The following PRCC variants were observed in gnomAD, a reference collection of about 807,000 sequenced individuals.
PRCC encodes the protein proline-rich protein PRCC.
A neutral mutation model predicts 44.0 loss-of-function variants in PRCC; 10 were observed. The observed-to-expected ratio is 0.23, with a 90% CI of 0.14 to 0.39. The LOEUF (loss-of-function observed/expected upper bound fraction) is 0.39. PRCC is among the 10% of genes least tolerant of loss of function. PRCC has a pLI of 1.00. For synonymous variants in PRCC, 278 were observed against 259.5 expected (o/e 1.07, Z -0.69); for missense variants, 573 against 624.7 (o/e 0.92, Z 0.88).
chr1:156,773,201 C>G (rs1651696486), intron 1 of PRCC, among the ~76,000 whole-genome samples: 1 of 152,118 alleles, frequency 6.6e-6, no homozygotes, highest in East Asian at 1.9e-4. Context: ...TTCTTATTTC[C>G]TCCTTGGCTT....
At chr1:156,798,957 A>C (rs1247422435) in intron 6 of PRCC, among the ~76,000 whole-genome samples, 1 of 152,186 alleles carries the variant, frequency 6.6e-6, no homozygotes, top group Non-Finnish European at 1.5e-5. Context: ...CTCCCGTGGA[A>C]ATGATTAGCA....
rs1423763386 is a variant in PRCC, at chr1:156,768,158, C to T, written c.387C>T (p.Ala129=). 13 of 1,555,870 alleles carry T rather than the reference C, an allele frequency of 8.4e-6. No individual in the cohort carries two copies. Among genetic ancestry groups the T allele is most frequent in the Middle Eastern group, 1.7e-4 (1 of 6,002 alleles). The change falls in exon 1 of 7, where the codon GCC becomes GCT. Residue 129 remains alanine, a synonymous_variant. Coordinates refer to ENST00000271526, the MANE Select transcript of PRCC (RefSeq NM_005973.5). The part of the protein sequence containing the change: ...GLNLPPPIGG[A]GPPLGLPKPK... ...ATCTGCCCCCTCCAATTGGCGGTGC[C>T]GGTCCCCCGCTGGGGCTTCCCAAGC...
chr1:156,769,344 CTT>C, intron 1 of PRCC, among the ~76,000 whole-genome samples: 1 of 152,262 alleles, frequency 6.6e-6, no homozygotes, highest in South Asian at 2.1e-4. Context: ...CCCCATTGCT[CTT>C]TGTTTTATTT....
At chr1:156,777,642 T>C (rs2102757271) in intron 1 of PRCC, among the ~76,000 whole-genome samples, 1 of 152,274 alleles carries the variant, frequency 6.6e-6, no homozygotes, top group South Asian at 2.1e-4. Flanking sequence ...GGCAAGAATA[T>C]ATGTGAAAAA....
intron 6 of PRCC, among the ~76,000 whole-genome samples, chr1:156,797,881 T>C (rs1652712269): frequency 6.6e-6 from 1 of 152,202 alleles, no homozygotes; most frequent in Admixed American, 6.5e-5. Context: ...AGTTGACCCT[T>C]GACCAACACA....
At chr1:156,775,769 A>G (rs1225453350) in intron 1 of PRCC, among the ~76,000 whole-genome samples, 10 of 151,582 alleles carry the variant, frequency 6.6e-5, no homozygotes, top group Non-Finnish European at 1.3e-4. Context: ...TCGGCCTCCC[A>G]AAGTGCTGGG....
At chr1:156,792,177 A>T (rs1652509188) in intron 4 of PRCC, among the ~76,000 whole-genome samples, 1 of 147,662 alleles carries the variant, frequency 6.8e-6, no homozygotes, top group Non-Finnish European at 1.5e-5. Flanking sequence ...GTGGGATTAC[A>T]GGTATGATTT....
chr1:156,780,392 A>C (rs11585470), intron 1 of PRCC, among the ~76,000 whole-genome samples: 3 of 150,702 alleles, frequency 2.0e-5, no homozygotes, highest in Non-Finnish European at 4.4e-5. Context: ...AATTTTTTTT[A>C]AATTTATTTT....
chr1:156,777,594 A>G (rs370712406), intron 1 of PRCC, among the ~76,000 whole-genome samples: 5 of 152,306 alleles, frequency 3.3e-5, no homozygotes, highest in African/African-American at 9.6e-5. Flanking sequence ...GGGAGGAAGT[A>G]TTCAACTATA....
chr1:156,787,217 A>C, intron 3 of PRCC, 43 bp downstream of exon 3: 1 of 1,547,986 alleles, frequency 6.5e-7, no homozygotes, highest in Admixed American at 1.9e-5. Context: ...ATGTTGGAAC[A>C]TGGTGGTCAA....
chr1:156,774,645 C>T (rs1489955559), intron 1 of PRCC, among the ~76,000 whole-genome samples: 2 of 151,940 alleles, frequency 1.3e-5, no homozygotes, highest in Non-Finnish European at 2.9e-5. Flanking sequence ...TGCCACTGTA[C>T]CTGGCTATGT....
intron 1 of PRCC, among the ~76,000 whole-genome samples, chr1:156,777,377 C>T (rs1651864839): frequency 6.6e-6 from 1 of 152,140 alleles, no homozygotes; most frequent in South Asian, 2.1e-4. Context: ...ATAATGCCTA[C>T]TTTGAAGTGT....
chr1:156,770,387 C>A (rs1651588546), intron 1 of PRCC, among the ~76,000 whole-genome samples: 1 of 152,132 alleles, frequency 6.6e-6, no homozygotes, highest in Non-Finnish European at 1.5e-5. Flanking sequence ...CTTTATTTAT[C>A]TTTTGAGATG....
chr1:156,781,227 C>A (rs1652037866), intron 1 of PRCC, among the ~76,000 whole-genome samples: 1 of 152,154 alleles, frequency 6.6e-6, no homozygotes, highest in Non-Finnish European at 1.5e-5. Context: ...TTAGGAAATG[C>A]TGTGTACAGT....
chr1:156,787,650 C>CTTTGTTTTTTTT (rs1652320672), intron 3 of PRCC, among the ~76,000 whole-genome samples: 1 of 54,172 alleles, frequency 1.8e-5, no homozygotes, highest in Non-Finnish European at 3.0e-5. Context: ...GGTTTTTGGC[C>CTTTGTTTTTTTT]TTTTTTTTTT....
intron 3 of PRCC, among the ~76,000 whole-genome samples, chr1:156,790,349 G>A (rs1652429219): frequency 6.6e-6 from 1 of 152,206 alleles, no homozygotes; most frequent in East Asian, 1.9e-4. Context: ...TAGGCTGGGC[G>A]TGGTGGCTCA....
intron 6 of PRCC, among the ~76,000 whole-genome samples, chr1:156,799,791 T>C (rs534054215): frequency 6.6e-6 from 1 of 152,114 alleles, no homozygotes; most frequent in Non-Finnish European, 1.5e-5. Context: ...GAGCCAGGAG[T>C]TGTTGAGATC....
chr1:156,771,150 A>G (rs909817563), intron 1 of PRCC, among the ~76,000 whole-genome samples: 2 of 152,204 alleles, frequency 1.3e-5, no homozygotes, highest in Non-Finnish European at 2.9e-5. Flanking sequence ...AGAGGAAACA[A>G]TGTATAAAAG....
At chr1:156,797,422 C>T (rs1652693754) in intron 6 of PRCC, 81 bp downstream of exon 6, 2 of 1,524,382 alleles carry the variant, frequency 1.3e-6, no homozygotes, top group African/African-American at 2.7e-5. Flanking sequence ...GAGTTAGAAG[C>T]CCAGATGCTT....
Sources: allele counts gnomAD v4.1 joint callset (sites outside exome capture counted in the v4.1 genomes callset), GRCh38; gene constraint gnomAD v4.1.1; transcripts MANE v1.5; gene names NCBI Gene and HGNC (gene_info 2026-07-23, HGNC 2026-07-21).